The following GTF2H1 variants were observed in gnomAD, a reference collection of about 807,000 sequenced individuals.
GTF2H1 encodes general transcription factor IIH subunit 1, also known as BTF2 p62.
GTF2H1 carries 16 observed loss-of-function variants against 71.2 expected under a neutral mutation model. That is an observed-to-expected ratio of 0.22 (90% confidence interval 0.15 to 0.34). GTF2H1 has a LOEUF of 0.34. Ranked by LOEUF, GTF2H1 falls within the 10% of genes least tolerant of loss-of-function variation. GTF2H1 has a pLI of 1.00. For synonymous variants in GTF2H1, 215 were observed against 219.0 expected (o/e 0.98, Z 0.16); for missense variants, 498 against 648.2 (o/e 0.77, Z 2.52).
chr11:18,341,358 G>A lies in GTF2H1; in HGVS notation c.705G>A (p.Leu235=), dbSNP rs375646747. Residue 235 remains leucine (L), a synonymous_variant, in exon 6 of 15, where the codon CTG becomes CTA. Coordinates refer to ENST00000265963, the MANE Select transcript of GTF2H1 (RefSeq NM_005316.4). ...FQSHYFHRDR[L]NTGSKDLFAE... is the part of the protein sequence containing the mutation. The stretch of plus-strand genomic sequence containing the variant: ...CCCATTATTTTCACAGGGATCGGCT[G>A]AATACAGGGTCAAAGGATCTCTTTG... 2.6e-5 allele frequency: 42 copies of A among 1,613,934 alleles called. No homozygotes were observed. The highest frequency in any genetic ancestry group is 3.2e-5 in the Non-Finnish European group (38 of 1,179,948).
chr11:18,364,884 G>A (rs1242307132), intron 14 of GTF2H1, among the ~76,000 whole-genome samples: 1 of 152,126 alleles, frequency 6.6e-6, no homozygotes, highest in African/African-American at 2.4e-5. Context: ...TCCCAGGCCT[G>A]TTGAATCAGA....
chr11:18,338,616 C>G (rs1294235861), intron 4 of GTF2H1, among the ~76,000 whole-genome samples: 4 of 151,988 alleles, frequency 2.6e-5, no homozygotes, highest in Admixed American at 2.6e-4. Flanking sequence ...GCTAAATTTT[C>G]TTATTTTTAT....
chr11:18,355,500 T>TAAAC (rs1865524264), intron 11 of GTF2H1, among the ~76,000 whole-genome samples: 1 of 149,754 alleles, frequency 6.7e-6, no homozygotes, highest in South Asian at 2.1e-4. Flanking sequence ...AATAAATAAA[T>TAAAC]TTACTTATTT....
chr11:18,337,764 C>T lies in GTF2H1; in HGVS notation c.348-345C>T, dbSNP rs4150586. Among the ~76,000 whole-genome samples the T allele has an allele frequency of 2.9e-4, 44 of 152,190 alleles. No homozygotes were observed. In the East Asian group the frequency reaches 8.1e-3, roughly 28 times the overall value. Reference sequence around the variant, plus strand: ...TATGTAAATACACCATTTTATCTAACGGACTTGAGCATTTTCAGATACCAA... The same window carrying T: ...TATGTAAATACACCATTTTATCTAATGGACTTGAGCATTTTCAGATACCAA... On this transcript the variant is annotated intron_variant, in intron 3 of 14. Coordinates refer to ENST00000265963, the MANE Select transcript of GTF2H1 (RefSeq NM_005316.4).
chr11:18,358,755 T>G (rs1865627532), intron 13 of GTF2H1, 115 bp downstream of exon 13: 1 of 665,052 alleles, frequency 1.5e-6, no homozygotes, highest in Non-Finnish European at 2.7e-6. Flanking sequence ...ATAACTCTTT[T>G]GCATACATCG....
chr11:18,324,367 A>G (rs1239713367), intron 1 of GTF2H1: 1 of 152,304 alleles, frequency 6.6e-6, no homozygotes, highest in Non-Finnish European at 1.5e-5. Flanking sequence ...AATCAAAGCA[A>G]ATTCAGAGAG....
chr11:18,339,627 A>G lies in GTF2H1; in HGVS notation c.577A>G (p.Ile193Val), dbSNP rs751305378. 4.3e-6 allele frequency: 7 copies of G among 1,610,088 alleles called. No homozygotes were observed. The Admixed American group carries it at 6.7e-5, about 15-fold the overall frequency. ...GLRYNLTSDI[I>V]ESIFRTYPAV... is the part of the protein sequence containing the mutation. ...AAGATATAATTTAACTTCTGATATC[A>G]TTGAGTCCATATTTAGGACCTATCC... Residue 193 changes from isoleucine (I) to valine (V), a missense_variant, in exon 5 of 15, where the codon ATT becomes GTT. Coordinates refer to ENST00000265963, the MANE Select transcript of GTF2H1 (RefSeq NM_005316.4).
At chr11:18,363,576 T>C (rs12575499) in intron 14 of GTF2H1, among the ~76,000 whole-genome samples, 6,124 of 152,260 alleles carry the variant, frequency 0.04, 296 homozygotes, top group East Asian at 0.26. Flanking sequence ...AGTTTTACAA[T>C]TGAAAGCTGA....
intron 14 of GTF2H1, among the ~76,000 whole-genome samples, chr11:18,363,052 A>G (rs1865742803): frequency 6.6e-6 from 1 of 151,916 alleles, no homozygotes; most frequent in Non-Finnish European, 1.5e-5. Flanking sequence ...CTAGGCCTAC[A>G]CAGAGTCAGG....
At chr11:18,342,945 G>T (rs921319676) in intron 7 of GTF2H1, among the ~76,000 whole-genome samples, 10 of 151,650 alleles carry the variant, frequency 6.6e-5, no homozygotes, top group Non-Finnish European at 1.0e-4. Context: ...TTTTTGAGAT[G>T]GGATCTCACT....
At chr11:18,331,313 C>T (rs1448606054) in intron 1 of GTF2H1, among the ~76,000 whole-genome samples, 1 of 152,130 alleles carries the variant, frequency 6.6e-6, no homozygotes, top group African/African-American at 2.4e-5. Flanking sequence ...GCCACAGCCT[C>T]CCAAAGTGCT....
chr11:18,341,920 TA>T (rs1212070942), intron 7 of GTF2H1: 1 of 191,536 alleles, frequency 5.2e-6, no homozygotes, highest in African/African-American at 2.4e-5. Context: ...ACATTTAATC[TA>T]AAGAAATATG....
chr11:18,344,208 C>T (rs138531587), intron 7 of GTF2H1, among the ~76,000 whole-genome samples: 100 of 152,296 alleles, frequency 6.6e-4, no homozygotes, highest in African/African-American at 2.3e-3. Context: ...TCTACACAAA[C>T]GCTTACACCC....
At chr11:18,356,036 G>T (rs114839060) in intron 11 of GTF2H1, among the ~76,000 whole-genome samples, 5,027 of 152,062 alleles carry the variant, frequency 0.033, 267 homozygotes, top group African/African-American at 0.11. Context: ...TCTTACATCT[G>T]CCCTGTCCCA....
intron 1 of GTF2H1, chr11:18,324,197 C>T (rs1864697466): frequency 6.6e-6 from 1 of 152,282 alleles, no homozygotes. Flanking sequence ...ATCACAGGCG[C>T]ACGCCACCAT....
intron 14 of GTF2H1, among the ~76,000 whole-genome samples, chr11:18,361,430 G>A (rs914422389): frequency 5.9e-5 from 9 of 152,110 alleles, no homozygotes; most frequent in African/African-American, 2.2e-4. Flanking sequence ...ACATTGAGAG[G>A]CCAAGGCAGG....
At chr11:18,353,067 A>AT (rs1302467599) in intron 11 of GTF2H1, among the ~76,000 whole-genome samples, 1 of 152,162 alleles carries the variant, frequency 6.6e-6, no homozygotes, top group African/African-American at 2.4e-5. Context: ...TGTACTAAAA[A>AT]TTTAAAAATT....
rs543876657 is a variant in GTF2H1, at chr11:18,344,610, C to T, written c.838-2978C>T. ...CTCCTGCCTGAGTGACAGAGTGAGA[C>T]TGTCTCAAAAAAAAAAAAAAAAAAA... On this transcript the variant is annotated intron_variant, in intron 7 of 14. Transcript: ENST00000265963. 3.8e-4 allele frequency among the ~76,000 whole-genome samples: 36 copies of T among 94,230 alleles called. No homozygotes were observed. In the South Asian group the frequency reaches 0.012, roughly 31 times the overall value. The allele number at this position is 94,230 out of a possible 152,430, so 61.8% of individuals were successfully genotyped here. A position where few individuals can be genotyped will look rare whatever the true frequency, so the allele number is the denominator to read the frequency against.
intron 14 of GTF2H1, among the ~76,000 whole-genome samples, chr11:18,364,228 T>A (rs1248945088): frequency 1.3e-5 from 2 of 152,150 alleles, no homozygotes; most frequent in Non-Finnish European, 2.9e-5. Context: ...CTATCCCCCA[T>A]AATGATAAAC....
Sources: gnomAD v4.1 joint callset for allele counts (sites outside exome capture counted in the v4.1 genomes callset) on GRCh38, gnomAD v4.1.1 for gene constraint, MANE v1.5 for transcripts, NCBI Gene and HGNC (gene_info 2026-07-23, HGNC 2026-07-21) for gene names.